The following SIPA1L2 variants were observed in gnomAD, a reference collection of about 807,000 sequenced individuals.
SIPA1L2 encodes signal-induced proliferation-associated 1-like protein 2.
A neutral mutation model predicts 163.9 loss-of-function variants in SIPA1L2; 56 were observed. The observed-to-expected ratio is 0.34, with a 90% CI of 0.28 to 0.43. The LOEUF (loss-of-function observed/expected upper bound fraction) is 0.43, where lower values mean the gene tolerates loss of function less well. Ranked by LOEUF, SIPA1L2 falls within the 20% of genes least tolerant of loss-of-function variation. The pLI, the probability that SIPA1L2 is intolerant of heterozygous loss-of-function variation, is 1.00. For missense variants in SIPA1L2, 1,974 were observed against 2,193.5 expected, an observed-to-expected ratio of 0.90 and a Z score of 2.00; for synonymous variants, 877 against 865.7, an observed-to-expected ratio of 1.01 and a Z score of -0.23.
At chr1:232,499,680 G>T (rs570906852) in intron 3 of SIPA1L2, among the ~76,000 whole-genome samples, 1 of 152,346 alleles carries the variant, frequency 6.6e-6, no homozygotes, top group South Asian at 2.1e-4. Context: ...ACAGATGACA[G>T]TGGCTACGAT....
Position 232,511,387 on chromosome 1 carries a change from C to T in SIPA1L2, c.1483+2470G>A, listed in dbSNP as rs146373727. Reference sequence around the variant, plus strand: ...TATGAGGACAGAGAGACAATTCACACTAAGTGACCAGATGCAGTGTAAATA... The same window carrying T: ...TATGAGGACAGAGAGACAATTCACATTAAGTGACCAGATGCAGTGTAAATA... On this transcript the variant is annotated intron_variant, in intron 3 of 22. Coordinates refer to ENST00000674635, the MANE Select transcript of SIPA1L2 (RefSeq NM_020808.5). Among the ~76,000 whole-genome samples, 191 of 152,314 alleles carry T rather than the reference C, an allele frequency of 1.3e-3. 2 individuals are homozygous for T. Among genetic ancestry groups the T allele is most frequent in the African/African-American group, 4.3e-3 (179 of 41,578 alleles).
At chr1:232,434,107 C>G (rs1662410240) in intron 15 of SIPA1L2, among the ~76,000 whole-genome samples, 1 of 152,184 alleles carries the variant, frequency 6.6e-6, no homozygotes, top group Non-Finnish European at 1.5e-5. Context: ...GAGTTTAACA[C>G]AGGGTTCCCG....
At chr1:232,462,935 C>T (rs1401966715) in intron 9 of SIPA1L2, among the ~76,000 whole-genome samples, 1 of 152,166 alleles carries the variant, frequency 6.6e-6, no homozygotes, top group Non-Finnish European at 1.5e-5. Flanking sequence ...CTAACATCCC[C>T]AAAGTCTGAA....
chr1:232,411,224 T>C (rs1170046273), intron 19 of SIPA1L2, among the ~76,000 whole-genome samples: 3 of 152,212 alleles, frequency 2.0e-5, no homozygotes, highest in Admixed American at 6.5e-5. Flanking sequence ...GGTCTCGTCT[T>C]GACCAGATTT....
rs1486649395 is a variant in SIPA1L2 at position 232,398,486 on chromosome 1, C to T, written c.*641G>A. Reference sequence around the variant, plus strand: ...AATCAGAACACTGTTAATATTCAGGCACCATTTGTTCCTGCAAATAAATAA... The same window carrying T: ...AATCAGAACACTGTTAATATTCAGGTACCATTTGTTCCTGCAAATAAATAA... On this transcript the variant is annotated 3_prime_UTR_variant, in exon 23 of 23. Transcript: ENST00000674635. The T allele has an allele frequency of 1.3e-5, 2 of 152,212 alleles. No individual in the cohort carries two copies. The highest frequency in any genetic ancestry group is 3.9e-4 in the East Asian group (2 of 5,186). 9.4% of individuals were successfully genotyped at this position (152,212 alleles called of 1,614,324 possible).
At chr1:232,570,274 C>A (rs1331363385) in intron 2 of SIPA1L2, among the ~76,000 whole-genome samples, 1 of 152,170 alleles carries the variant, frequency 6.6e-6, no homozygotes, top group Non-Finnish European at 1.5e-5. Flanking sequence ...GTTTCTAAGC[C>A]TTTAAGATGG....
intron 2 of SIPA1L2, among the ~76,000 whole-genome samples, chr1:232,523,191 C>T (rs1017557400): frequency 1.3e-5 from 2 of 152,100 alleles, no homozygotes; most frequent in Non-Finnish European, 2.9e-5. Flanking sequence ...GCTACCCTGC[C>T]CATCATTCTG....
intron 2 of SIPA1L2, among the ~76,000 whole-genome samples, chr1:232,547,321 A>G (rs1411063175): frequency 6.6e-6 from 1 of 152,016 alleles, no homozygotes; most frequent in East Asian, 1.9e-4. Context: ...TCTTTCCCCA[A>G]ATCATGTCTG....
chr1:232,591,745 T>C (rs903612628), intron 1 of SIPA1L2, among the ~76,000 whole-genome samples: 1 of 152,244 alleles, frequency 6.6e-6, no homozygotes, highest in African/African-American at 2.4e-5. Flanking sequence ...AGGAAAATGC[T>C]TCCGAGCCCT....
chr1:232,544,209 C>T (rs997191887), intron 2 of SIPA1L2, among the ~76,000 whole-genome samples: 17 of 152,050 alleles, frequency 1.1e-4, no homozygotes, highest in Admixed American at 5.2e-4. Flanking sequence ...CATTCTGAGA[C>T]GTCTTGGGAC....
At chr1:232,479,342 G>A (rs1463081762) in intron 7 of SIPA1L2, among the ~76,000 whole-genome samples, 2 of 152,156 alleles carry the variant, frequency 1.3e-5, no homozygotes, top group Non-Finnish European at 2.9e-5. Context: ...TGGCCTTTTC[G>A]TAATTAACAT....
chr1:232,570,688 G>A (rs1305841332), intron 2 of SIPA1L2, among the ~76,000 whole-genome samples: 1 of 152,042 alleles, frequency 6.6e-6, no homozygotes, highest in Non-Finnish European at 1.5e-5. Flanking sequence ...ACTTTCCTCT[G>A]TGCTCTTAAA....
chr1:232,590,558 T>C (rs575445590), intron 1 of SIPA1L2, among the ~76,000 whole-genome samples: 1 of 152,316 alleles, frequency 6.6e-6, no homozygotes, highest in South Asian at 2.1e-4. Context: ...TGATGTCACA[T>C]GCTGATTCAG....
intron 16 of SIPA1L2, among the ~76,000 whole-genome samples, chr1:232,430,568 C>T (rs1009254655): frequency 6.6e-6 from 1 of 152,176 alleles, no homozygotes; most frequent in Admixed American, 6.5e-5. Context: ...CGGTAAAACA[C>T]TGTTTTGATA....
At chr1:232,601,550 G>C (rs2102855139) in intron 1 of SIPA1L2, among the ~76,000 whole-genome samples, 1 of 152,278 alleles carries the variant, frequency 6.6e-6, no homozygotes, top group African/African-American at 2.4e-5. Context: ...GAATCCATAT[G>C]GCTTCCAGTT....
intron 2 of SIPA1L2, among the ~76,000 whole-genome samples, chr1:232,556,509 G>C (rs1338922414): frequency 6.6e-6 from 1 of 152,066 alleles, no homozygotes; most frequent in African/African-American, 2.4e-5. Context: ...CAAAATCCAC[G>C]CAATTCAAAA....
chr1:232,441,145 G>C (rs531196352), intron 14 of SIPA1L2, 146 bp downstream of exon 14: 25 of 611,674 alleles, frequency 4.1e-5, no homozygotes, highest in Non-Finnish European at 6.8e-5. Context: ...AAATCAGGAA[G>C]ATAGTTTCCT....
chr1:232,553,420 G>A (rs1304260777), intron 2 of SIPA1L2, among the ~76,000 whole-genome samples: 1 of 152,196 alleles, frequency 6.6e-6, no homozygotes, highest in African/African-American at 2.4e-5. Flanking sequence ...ATTTGGGCAT[G>A]AAAACGGGAA....
chr1:232,455,405 G>T (rs1338840842), intron 10 of SIPA1L2, among the ~76,000 whole-genome samples: 1 of 152,176 alleles, frequency 6.6e-6, no homozygotes, highest in Non-Finnish European at 1.5e-5. Flanking sequence ...TGGTTGGCCG[G>T]GTGCCGTGGC....
Sources: gnomAD v4.1 joint callset for allele counts (sites outside exome capture counted in the v4.1 genomes callset) on GRCh38, gnomAD v4.1.1 for gene constraint, MANE v1.5 for transcripts, NCBI Gene and HGNC (gene_info 2026-07-23, HGNC 2026-07-21) for gene names.